The following SMG1 variants were observed in gnomAD, a reference collection of about 807,000 sequenced individuals.
The protein encoded by SMG1 is SMG1 nonsense mediated mRNA decay associated PI3K related kinase.
SMG1 carries 22 observed loss-of-function variants against 419.9 expected under a neutral mutation model. That is an observed-to-expected ratio of 0.05 (90% CI 0.04 to 0.07). SMG1 has a LOEUF of 0.07. Among genes scored for constraint, SMG1 ranks in the 10% least tolerant of loss-of-function variants. SMG1 has a pLI of 1.00. For synonymous variants in SMG1, 1,538 were observed against 1,553.5 expected, an observed-to-expected ratio of 0.99 and a Z score of 0.23; for missense variants, 3,185 against 4,342.0, an observed-to-expected ratio of 0.73 and a Z score of 7.49.
intron 6 of SMG1, among the ~76,000 whole-genome samples, chr16:18,888,046 T>C (rs1325157917): frequency 9.3e-5 from 14 of 150,416 alleles, no homozygotes; most frequent in Non-Finnish European, 1.9e-4. Context: ...ACTCCTGTAA[T>C]ACCAGCTACT....
At chr16:18,895,277 G>A (rs139623924) in intron 3 of SMG1, among the ~76,000 whole-genome samples, 9 of 152,046 alleles carry the variant, frequency 5.9e-5, no homozygotes, top group South Asian at 2.1e-4. Flanking sequence ...TCAGGAGTTC[G>A]AGACCAGCCT....
At position 18,859,093 on chromosome 16, in the gene SMG1, C is replaced by T. The variant is rs1463619268; in HGVS notation, c.4042G>A (p.Val1348Ile). The change falls in exon 28 of 63, where the codon GTT (valine) becomes ATT (isoleucine). Residue 1348 changes from valine (V) to isoleucine (I), a missense_variant. Around this residue, in one of 27 missense-constraint regions of SMG1, gnomAD observed 120 missense variants for 193.3 expected, o/e 0.62. Coordinates refer to ENST00000446231, the MANE Select transcript of SMG1 (RefSeq NM_015092.5). Reference sequence around the variant, plus strand: ...CAATACAGCTGCAAGGTACTTAGAACTGGCAAAGACTGTGAAACTGTTAAA... The same window carrying T: ...CAATACAGCTGCAAGGTACTTAGAATTGGCAAAGACTGTGAAACTGTTAAA... ...STLTVSQSLPVLSTLQLYCSS... is the reference protein window; with the variant it reads ...STLTVSQSLPILSTLQLYCSS... 2.0e-6 allele frequency: 3 copies of T among 1,529,150 alleles called. No individual in the cohort carries two copies. The highest frequency in any genetic ancestry group is 3.9e-5 in the Admixed American group (2 of 51,218). 94.7% of individuals were successfully genotyped at this position (1,529,150 alleles called of 1,614,324 possible).
intron 56 of SMG1, among the ~76,000 whole-genome samples, chr16:18,818,789 T>C (rs1386303265): frequency 1.3e-5 from 2 of 151,274 alleles, no homozygotes; most frequent in Non-Finnish European, 2.9e-5. Context: ...CCCTGCCCAA[T>C]CCACAGCCTC....
At chr16:18,892,399 C>G (rs1318259625) in intron 3 of SMG1, 45 bp from the exon 4 acceptor site, 2 of 1,433,012 alleles carry the variant, frequency 1.4e-6, no homozygotes, top group East Asian at 2.5e-5. Context: ...TATAAATAAG[C>G]AAAGATATTT....
At chr16:18,836,671 T>C (rs1201520869) in intron 46 of SMG1, 139 bp from the exon 47 acceptor site, 3 of 820,212 alleles carry the variant, frequency 3.7e-6, no homozygotes, top group East Asian at 5.1e-5. Context: ...AAATGTCCCT[T>C]ACTTCTCTGT....
At chr16:18,879,080 G>A (rs1362528700) in intron 11 of SMG1, 4 of 267,262 alleles carry the variant, frequency 1.5e-5, no homozygotes, top group Non-Finnish European at 2.9e-5. Context: ...ACTGATGAAT[G>A]TACTCTAAGA....
intron 9 of SMG1, among the ~76,000 whole-genome samples, 196 bp from the exon 10 acceptor site, chr16:18,882,534 T>C (rs2141718311): frequency 6.6e-6 from 1 of 152,284 alleles, no homozygotes; most frequent in South Asian, 2.1e-4. Flanking sequence ...AAAGCCAACA[T>C]TAAACCCAAC....
At chr16:18,828,678 C>T (rs960270181) in intron 54 of SMG1, among the ~76,000 whole-genome samples, 1 of 152,172 alleles carries the variant, frequency 6.6e-6, no homozygotes, top group Non-Finnish European at 1.5e-5. Context: ...AGGAAGCATA[C>T]CTACATATGA....
intron 56 of SMG1, among the ~76,000 whole-genome samples, chr16:18,817,845 T>C (rs1340315139): frequency 6.6e-6 from 1 of 152,216 alleles, no homozygotes; most frequent in Non-Finnish European, 1.5e-5. Flanking sequence ...TATTCTTGCC[T>C]AACTTATCTG....
In SMG1 at chr16:18,842,434, C is replaced by G. The variant is rs779098306; in HGVS notation, c.6240G>C (p.Gln2080His). ...PFKEIMLSLQQRAQKRASYIL... is the reference protein window; with the variant it reads ...PFKEIMLSLQHRAQKRASYIL... ...TGTAACTTGCACGTTTCTGTGCTCTCTGTTGCAAACTTAGCATTATCTATA... is the reference window on the plus strand; with the variant it reads ...TGTAACTTGCACGTTTCTGTGCTCTGTGTTGCAAACTTAGCATTATCTATA... Residue 2080 changes from glutamine (Q) to histidine (H), a missense_variant, in exon 40 of 63, where the codon CAG becomes CAC. Physicochemically the swap from Gln to His is conservative, Grantham distance 24. Around this residue, in one of 27 missense-constraint regions of SMG1, gnomAD observed 159 missense variants for 196.0 expected, o/e 0.81. Coordinates refer to ENST00000446231, the MANE Select transcript of SMG1 (RefSeq NM_015092.5). The G allele has an allele frequency of 6.8e-6, 11 of 1,613,764 alleles. No individual in the cohort carries two copies. Among genetic ancestry groups the G allele is most frequent in the Middle Eastern group, 1.6e-4 (1 of 6,062 alleles).
intron 11 of SMG1, chr16:18,878,981 T>C (rs1037515847): frequency 2.2e-5 from 4 of 185,022 alleles, no homozygotes; most frequent in African/African-American, 7.2e-5. Flanking sequence ...CTGCACTTCA[T>C]CCTGTGCAAC....
chr16:18,920,382 CAAA>C (rs67904345), intron 1 of SMG1, among the ~76,000 whole-genome samples: 5 of 100,792 alleles, frequency 5.0e-5, no homozygotes, highest in Non-Finnish European at 3.9e-5. Flanking sequence ...AACTCCGTCT[CAAA>C]AAAAAAAAAA....
chr16:18,908,571 G>A (rs2037668085), intron 1 of SMG1, among the ~76,000 whole-genome samples: 1 of 151,492 alleles, frequency 6.6e-6, no homozygotes, highest in African/African-American at 2.4e-5. Context: ...AAGGTGAAGT[G>A]ATGTTTACCA....
At chr16:18,895,532 A>AG (rs2037085096) in intron 3 of SMG1, among the ~76,000 whole-genome samples, 1 of 151,392 alleles carries the variant, frequency 6.6e-6, no homozygotes. Context: ...TACCCACTCT[A>AG]GGGGGCAGGG....
Position 18,809,330 on chromosome 16 carries a change from T to G in SMG1, c.*239A>C. The G allele has an allele frequency of 3.9e-6, 2 of 511,000 alleles. No homozygotes were observed. Among genetic ancestry groups the G allele is most frequent in the East Asian group, 6.5e-5 (2 of 30,716 alleles). The allele number at this position is 511,000 out of a possible 1,614,324, so 31.7% of individuals were successfully genotyped here. A position where few individuals can be genotyped will look rare whatever the true frequency, so the allele number is the denominator to read the frequency against. ...AAAGACAATCTCCGTGTTCAGGCGG[T>G]GAGCTTGCTTTCCTTCACCCTTGAC... On this transcript the variant is annotated 3_prime_UTR_variant, in exon 63 of 63. Transcript: ENST00000446231.
Position 18,885,604 on chromosome 16 carries a change from T to C in SMG1, c.885A>G (p.Lys295=). The C allele has an allele frequency of 6.3e-7, 1 of 1,595,940 alleles. No homozygotes were observed. Among genetic ancestry groups the C allele is most frequent in the Non-Finnish European group, 8.5e-7 (1 of 1,179,490 alleles). Residue 295 remains lysine (K), a synonymous_variant, in exon 7 of 63, where the codon AAA becomes AAG. Transcript: ENST00000446231. ...CCACCAAAAGAATGCACTTAACACA[T>C]TTACAAAGCAATTCTGGTGTATCCA... ...ENVDTPELLC[K]CVKCILLVAR...
intron 1 of SMG1, among the ~76,000 whole-genome samples, chr16:18,908,713 A>T (rs756579709): frequency 2.6e-5 from 4 of 151,678 alleles, no homozygotes; most frequent in Non-Finnish European, 5.9e-5. Flanking sequence ...CCCCGTCTCT[A>T]CTAGAACTAC....
At chr16:18,845,279 A>T in intron 39 of SMG1, 150 bp downstream of exon 39, 3 of 629,684 alleles carry the variant, frequency 4.8e-6, no homozygotes, top group Non-Finnish European at 7.8e-6. Flanking sequence ...ACTTTTTTCT[A>T]TGTTCCTTAT....
intron 13 of SMG1, chr16:18,875,197 T>C (rs1415506192): frequency 6.6e-6 from 1 of 152,624 alleles, no homozygotes; most frequent in African/African-American, 2.4e-5. Context: ...GATTTTCCAC[T>C]TGGGGCATCA....
Sources: gnomAD v4.1 joint callset for allele counts (sites outside exome capture counted in the v4.1 genomes callset) on GRCh38, gnomAD v4.1.1 for gene constraint, gnomAD v4.1.1 regional missense constraint, MANE v1.5 for transcripts, NCBI Gene and HGNC (gene_info 2026-07-23, HGNC 2026-07-21) for gene names.